The following NRG3 variants were observed in gnomAD, a reference collection of about 807,000 sequenced individuals.
NRG3 encodes pro-neuregulin-3, membrane-bound isoform.
In NRG3, 31 loss-of-function variants were observed where a neutral mutation model predicts 66.9. The observed-to-expected ratio is 0.46, with a 90% CI of 0.35 to 0.63. The LOEUF is 0.63. Among genes scored for constraint, NRG3 ranks in the 20% least tolerant of loss-of-function variants. The probability of loss-of-function intolerance (pLI) is 0.00; values close to 1 mark genes in which losing one functional copy is unlikely to be tolerated. For synonymous variants in NRG3, 393 were observed against 359.4 expected (o/e 1.09, Z -1.06); for missense variants, 910 against 878.9 (o/e 1.04, Z -0.45).
At chr10:82,686,312 C>T (rs552935113) in intron 2 of NRG3, among the ~76,000 whole-genome samples, 11 of 151,846 alleles carry the variant, frequency 7.2e-5, no homozygotes, top group African/African-American at 2.4e-4. Context: ...CTCAACCTCC[C>T]GAGTAGCTGG....
At chr10:82,199,900 G>A (rs1296616115) in intron 1 of NRG3, among the ~76,000 whole-genome samples, 1 of 151,372 alleles carries the variant, frequency 6.6e-6, no homozygotes, top group Non-Finnish European at 1.5e-5. Context: ...GTGTGTGTGT[G>A]TGTGTGTGTG....
At chr10:82,518,179 C>T (rs1270466951) in intron 2 of NRG3, among the ~76,000 whole-genome samples, 1 of 152,104 alleles carries the variant, frequency 6.6e-6, no homozygotes, top group Non-Finnish European at 1.5e-5. Context: ...GTACCTAGCA[C>T]ATAGGAAACA....
chr10:82,497,088 A>G (rs958445066), intron 2 of NRG3, among the ~76,000 whole-genome samples: 11 of 152,294 alleles, frequency 7.2e-5, no homozygotes, highest in African/African-American at 2.6e-4. Flanking sequence ...GGTTTTTCTT[A>G]ACTCTGTTGA....
chr10:82,857,074 C>A (rs2063849744), intron 3 of NRG3, among the ~76,000 whole-genome samples: 1 of 152,166 alleles, frequency 6.6e-6, no homozygotes, highest in South Asian at 2.1e-4. Context: ...AAATTCTACC[C>A]ATTATTTAGT....
chr10:82,215,245 A>G (rs759217081), intron 1 of NRG3, among the ~76,000 whole-genome samples: 6 of 152,208 alleles, frequency 3.9e-5, no homozygotes, highest in African/African-American at 1.2e-4. Context: ...TTGTAATTCA[A>G]ATTTGAATAG....
intron 1 of NRG3, among the ~76,000 whole-genome samples, chr10:81,893,965 C>T (rs1843268522): frequency 6.6e-6 from 1 of 152,146 alleles, no homozygotes; most frequent in African/African-American, 2.4e-5. Context: ...ATGGAGTCCC[C>T]AGGTAACGTG....
At chr10:82,028,198 T>C (rs1043872496) in intron 1 of NRG3, among the ~76,000 whole-genome samples, 4 of 152,210 alleles carry the variant, frequency 2.6e-5, no homozygotes, top group Admixed American at 2.0e-4. Flanking sequence ...GATTATCTTG[T>C]AAACATGAAC....
intron 2 of NRG3, among the ~76,000 whole-genome samples, chr10:82,420,042 G>C (rs1465032029): frequency 1.3e-5 from 2 of 152,154 alleles, no homozygotes; most frequent in African/African-American, 2.4e-5. Flanking sequence ...TCCTTTATAA[G>C]TAAATGGCCT....
intron 2 of NRG3, among the ~76,000 whole-genome samples, chr10:82,595,157 A>G (rs771434673): frequency 2.6e-5 from 4 of 151,942 alleles, no homozygotes. Flanking sequence ...TTATGCATAG[A>G]TGCTTTAGCT....
At chr10:82,850,174 G>A (rs574069542) in intron 3 of NRG3, among the ~76,000 whole-genome samples, 1 of 152,288 alleles carries the variant, frequency 6.6e-6, no homozygotes, top group South Asian at 2.1e-4. Flanking sequence ...GCTTCAAGGA[G>A]TTTCCACTTA....
chr10:82,021,057 G>A (rs2062036104), intron 1 of NRG3, among the ~76,000 whole-genome samples: 1 of 152,000 alleles, frequency 6.6e-6, no homozygotes, highest in African/African-American at 2.4e-5. Flanking sequence ...AATATTGTGA[G>A]TCCTATATTT....
chr10:82,321,142 G>A (rs1207129506), intron 1 of NRG3, among the ~76,000 whole-genome samples: 2 of 152,186 alleles, frequency 1.3e-5, no homozygotes, highest in South Asian at 2.1e-4. Context: ...GGCGTCAGTG[G>A]TTGCAGGCAC....
intron 1 of NRG3, among the ~76,000 whole-genome samples, chr10:82,115,133 T>G (rs2067626300): frequency 6.6e-6 from 1 of 152,112 alleles, no homozygotes; most frequent in Admixed American, 6.6e-5. Flanking sequence ...AGTACCCCTG[T>G]GGCCTGCTCC....
intron 2 of NRG3, among the ~76,000 whole-genome samples, chr10:82,630,348 T>C (rs1267564601): frequency 9.8e-5 from 11 of 111,984 alleles, no homozygotes; most frequent in Non-Finnish European, 1.4e-4. Flanking sequence ...AAGATATATA[T>C]GGTTTTCTTT....
chr10:81,917,527 T>A (rs1845817078), intron 1 of NRG3, among the ~76,000 whole-genome samples: 1 of 152,188 alleles, frequency 6.6e-6, no homozygotes, highest in South Asian at 2.1e-4. Flanking sequence ...GAAGTGTTTG[T>A]ATAAATTACC....
chr10:82,170,675 TATATATATATATATATATATATGTAA>T (rs2072524265), intron 1 of NRG3, among the ~76,000 whole-genome samples: 2 of 112,394 alleles, frequency 1.8e-5, no homozygotes, highest in African/African-American at 7.9e-5. Context: ...TATATATATA[TATATATATATATATATATATATGTAA>T]ATATATATAG....
chr10:81,989,370 T>G (rs1245115522), intron 1 of NRG3, among the ~76,000 whole-genome samples: 1 of 151,912 alleles, frequency 6.6e-6, no homozygotes, highest in Non-Finnish European at 1.5e-5. Flanking sequence ...AAGATATAGA[T>G]GGTGAAGAAA....
At chr10:82,775,680 T>A (rs183634331) in intron 3 of NRG3, among the ~76,000 whole-genome samples, 4 of 152,264 alleles carry the variant, frequency 2.6e-5, no homozygotes, top group African/African-American at 9.6e-5. Flanking sequence ...AACTGGCTGA[T>A]CTATTATTAA....
chr10:82,352,694 G>A (rs1339532882), intron 1 of NRG3, among the ~76,000 whole-genome samples: 2 of 152,164 alleles, frequency 1.3e-5, no homozygotes, highest in African/African-American at 4.8e-5. Context: ...AGCAAAGCAT[G>A]TGCAAAGGCC....
Sources: allele counts gnomAD v4.1 joint callset (sites outside exome capture counted in the v4.1 genomes callset), GRCh38; gene constraint gnomAD v4.1.1; transcripts MANE v1.5; gene names NCBI Gene and HGNC (gene_info 2026-07-23, HGNC 2026-07-21).